Variants in EPHA3 observed in about 807,000 individuals in gnomAD.
EPHA3 encodes EPH receptor A3.
Under a neutral mutation model 107.1 loss-of-function variants are expected in EPHA3, and 42 were observed. The ratio of observed to expected loss-of-function variants is 0.39; its 90% confidence interval spans 0.31 to 0.51. The LOEUF is 0.51. Among genes scored for constraint, EPHA3 ranks in the 20% least tolerant of loss-of-function variants. The pLI, the probability that EPHA3 is intolerant of heterozygous loss-of-function variation, is 0.78. For missense variants in EPHA3, 1,183 were observed against 1,211.2 expected (o/e 0.98, Z 0.35); for synonymous variants, 461 against 424.8 (o/e 1.09, Z -1.05).
chr3:89,114,488 G>A lies in EPHA3; in HGVS notation c.88+6652G>A, dbSNP rs577963079. On this transcript the variant is annotated intron_variant, in intron 1 of 16. Transcript: ENST00000336596. ...ATGAGATCATAAAAAAACATCTCCG[G>A]GTGCGCGTAACGCAGTCTCAGCCCT... Among the ~76,000 whole-genome samples, 7 of 152,230 alleles carry A rather than the reference G, an allele frequency of 4.6e-5. No individual in the cohort carries two copies. In the South Asian group the frequency reaches 1.5e-3, roughly 32 times the overall value.
At chr3:89,203,363 A>G (rs559583582) in intron 2 of EPHA3, among the ~76,000 whole-genome samples, 1 of 151,532 alleles carries the variant, frequency 6.6e-6, no homozygotes, top group South Asian at 2.1e-4. Context: ...AAAAAAAATT[A>G]CATAAAGGAA....
At chr3:89,210,961 T>C (rs1349794138) in intron 3 of EPHA3, among the ~76,000 whole-genome samples, 9 of 152,150 alleles carry the variant, frequency 5.9e-5, no homozygotes, top group Admixed American at 5.9e-4. Context: ...TTTACTTCAT[T>C]GCTATAAAGT....
At chr3:89,393,568 C>A (rs1314647784) in intron 5 of EPHA3, among the ~76,000 whole-genome samples, 2 of 152,056 alleles carry the variant, frequency 1.3e-5, no homozygotes, top group Admixed American at 6.6e-5. Flanking sequence ...AAATGTAGGA[C>A]CTCATGTGTT....
chr3:89,473,801 C>G (rs1325428251), intron 16 of EPHA3, among the ~76,000 whole-genome samples: 1 of 152,058 alleles, frequency 6.6e-6, no homozygotes, highest in Non-Finnish European at 1.5e-5. Flanking sequence ...ATGAACTTGG[C>G]TCTAGGGGCC....
At chr3:89,265,184 CTTATAA>C (rs1423811483) in intron 3 of EPHA3, among the ~76,000 whole-genome samples, 1 of 152,096 alleles carries the variant, frequency 6.6e-6, no homozygotes, top group African/African-American at 2.4e-5. Flanking sequence ...GCATCTCTGA[CTTATAA>C]TTGTAATAAA....
At chr3:89,226,536 A>G (rs570565404) in intron 3 of EPHA3, among the ~76,000 whole-genome samples, 2 of 152,276 alleles carry the variant, frequency 1.3e-5, no homozygotes, top group South Asian at 4.1e-4. Flanking sequence ...ACAATTTGTC[A>G]TAACATACAG....
chr3:89,371,878 A>C (rs1708312278), intron 5 of EPHA3, among the ~76,000 whole-genome samples: 1 of 151,496 alleles, frequency 6.6e-6, no homozygotes, highest in Non-Finnish European at 1.5e-5. Flanking sequence ...TTTCTAAATG[A>C]CTCAACATTT....
intron 7 of EPHA3, among the ~76,000 whole-genome samples, chr3:89,402,920 C>T (rs1236744648): frequency 9.2e-5 from 14 of 152,092 alleles, no homozygotes; most frequent in East Asian, 1.9e-4. Flanking sequence ...TCAAGTAATC[C>T]GACTGCCTTG....
intron 2 of EPHA3, among the ~76,000 whole-genome samples, chr3:89,138,027 C>T (rs543501918): frequency 1.3e-5 from 2 of 151,792 alleles, no homozygotes; most frequent in Non-Finnish European, 2.9e-5. Context: ...TTGGGGATTG[C>T]TGTGTTAGAA....
chr3:89,231,806 G>A (rs1704641004), intron 3 of EPHA3, among the ~76,000 whole-genome samples: 1 of 152,112 alleles, frequency 6.6e-6, no homozygotes, highest in Admixed American at 6.5e-5. Context: ...ATGTGACATG[G>A]GAGTCTTCAG....
intron 5 of EPHA3, among the ~76,000 whole-genome samples, chr3:89,390,785 A>ACT (rs777460537): frequency 1.2e-4 from 16 of 132,136 alleles, no homozygotes; most frequent in African/African-American, 4.5e-4. Flanking sequence ...ATTGAAAAGC[A>ACT]TTTTTTTTTT....
intron 1 of EPHA3, among the ~76,000 whole-genome samples, chr3:89,121,757 A>G (rs1217367689): frequency 6.9e-4 from 1 of 1,456 alleles, no homozygotes; most frequent in Admixed American, 9.1e-3. Context: ...CCCCGTCTCA[A>G]AAAAAAAAAA....
intron 13 of EPHA3, among the ~76,000 whole-genome samples, chr3:89,438,040 C>T (rs1290357515): frequency 2.6e-5 from 4 of 152,032 alleles, no homozygotes; most frequent in Non-Finnish European, 5.9e-5. Context: ...TGTGACTCTG[C>T]CATATTGATG....
intron 3 of EPHA3, among the ~76,000 whole-genome samples, chr3:89,284,903 G>C (rs1409725515): frequency 6.6e-6 from 1 of 152,134 alleles, no homozygotes; most frequent in Non-Finnish European, 1.5e-5. Flanking sequence ...GAGGAGGGTG[G>C]ATCACTTGAG....
chr3:89,460,960 A>G (rs1282640675), intron 15 of EPHA3, among the ~76,000 whole-genome samples: 4 of 120,344 alleles, frequency 3.3e-5, no homozygotes, highest in East Asian at 2.5e-4. Context: ...ATATCTCCCA[A>G]TGCTATCCCT....
At chr3:89,474,729 GAA>G (rs1331569482) in intron 16 of EPHA3, among the ~76,000 whole-genome samples, 1 of 152,188 alleles carries the variant, frequency 6.6e-6, no homozygotes, top group African/African-American at 2.4e-5. Context: ...AATGTGATAA[GAA>G]AGCTATTTGC....
chr3:89,178,914 A>G (rs1246298114), intron 2 of EPHA3, among the ~76,000 whole-genome samples: 1 of 151,856 alleles, frequency 6.6e-6, no homozygotes, highest in African/African-American at 2.4e-5. Flanking sequence ...TCCATTGTGT[A>G]TTAAATCATA....
chr3:89,413,218 A>G lies in EPHA3; in HGVS notation c.1840A>G (p.Lys614Glu), dbSNP rs772013090. Residue 614 changes from lysine (K) to glutamate (E), a missense_variant, in exon 10 of 17, where the codon AAG (lysine) becomes GAG (glutamate). Transcript: ENST00000336596. ...TACCCAAGCTGTTCATGAGTTTGCC[A>G]AGGAATTGGATGCCACCAACATATC... Reference protein sequence around the residue: ...DPTQAVHEFAKELDATNISID... With the variant: ...DPTQAVHEFAEELDATNISID... The G allele has an allele frequency of 5.0e-6, 8 of 1,611,768 alleles. No individual in the cohort carries two copies. In the Admixed American group the frequency reaches 1.3e-4, roughly 27 times the overall value.
At chr3:89,357,106 C>CAAAAAAAAAAAAAAAAA (rs56717904) in intron 5 of EPHA3, among the ~76,000 whole-genome samples, 1 of 15,998 alleles carries the variant, frequency 6.3e-5, no homozygotes, top group African/African-American at 2.1e-4. Flanking sequence ...GACCCTGTCT[C>CAAAAAAAAAAAAAAAAA]AAAAAAAAAA....
Sources: gnomAD v4.1 joint callset for allele counts (sites outside exome capture counted in the v4.1 genomes callset) on GRCh38, gnomAD v4.1.1 for gene constraint, MANE v1.5 for transcripts, NCBI Gene and HGNC (gene_info 2026-07-23, HGNC 2026-07-21) for gene names.